MAGI2: variants seen among roughly 807,000 people sequenced by gnomAD.
MAGI2 encodes the protein membrane associated guanylate kinase, WW and PDZ domain containing 2, also known as membrane-associated guanylate kinase, WW and PDZ domain-containing protein 2.
Under a neutral mutation model 133.3 loss-of-function variants are expected in MAGI2, and 35 were observed. The ratio of observed to expected loss-of-function variants is 0.26; its 90% CI spans 0.20 to 0.35. MAGI2 has a LOEUF of 0.35. Ranked by LOEUF, MAGI2 falls within the 10% of genes least tolerant of loss-of-function variation. The probability of loss-of-function intolerance (pLI) is 1.00; values close to 1 mark genes in which losing one functional copy is unlikely to be tolerated. For missense variants in MAGI2, 1,636 were observed against 1,863.4 expected (o/e 0.88, Z 2.25); for synonymous variants, 729 against 710.6 (o/e 1.03, Z -0.41).
chr7:78,395,670 G>C lies in MAGI2; in HGVS notation c.1046-26457C>G, dbSNP rs1796281514. Among the ~76,000 whole-genome samples, 3 of 152,292 alleles carry C rather than the reference G, an allele frequency of 2.0e-5. 1 individual carries two copies. The highest frequency in any genetic ancestry group is 6.5e-5 in the Admixed American group (1 of 15,286). On this transcript the variant is annotated intron_variant, in intron 6 of 21. Coordinates refer to ENST00000354212, the MANE Select transcript of MAGI2 (RefSeq NM_012301.4). Reference sequence around the variant, plus strand: ...TTTCAACTTTGAATTAACTTGGAATGCTACTCTAAGAGAAAGGTTCTAAAC... The same window carrying C: ...TTTCAACTTTGAATTAACTTGGAATCCTACTCTAAGAGAAAGGTTCTAAAC...
chr7:78,503,154 T>G (rs1355364350), intron 4 of MAGI2, among the ~76,000 whole-genome samples: 1 of 152,104 alleles, frequency 6.6e-6, no homozygotes, highest in African/African-American at 2.4e-5. Flanking sequence ...AAAAAAAAGA[T>G]ATAGTAATCC....
chr7:79,318,057 C>T (rs1052423509), intron 1 of MAGI2, among the ~76,000 whole-genome samples: 7 of 152,092 alleles, frequency 4.6e-5, no homozygotes, highest in South Asian at 4.2e-4. Flanking sequence ...AGACTCCTCC[C>T]CTCTTACACC....
At chr7:78,834,790 G>C (rs1479375825) in intron 2 of MAGI2, among the ~76,000 whole-genome samples, 1 of 152,100 alleles carries the variant, frequency 6.6e-6, no homozygotes, top group Non-Finnish European at 1.5e-5. Flanking sequence ...TCATGGGGTG[G>C]ATCCCTTATG....
chr7:78,702,785 A>G (rs1462290842), intron 2 of MAGI2, among the ~76,000 whole-genome samples: 1 of 152,038 alleles, frequency 6.6e-6, no homozygotes, highest in Non-Finnish European at 1.5e-5. Context: ...ACTGGTCAAC[A>G]AAGAGCTGAA....
chr7:78,863,515 C>T (rs559813538), intron 2 of MAGI2, among the ~76,000 whole-genome samples: 9 of 152,294 alleles, frequency 5.9e-5, no homozygotes, highest in South Asian at 4.2e-4. Flanking sequence ...CTCATTACTG[C>T]GAGGACAGCA....
At chr7:78,174,591 C>A (rs1292625699) in intron 14 of MAGI2, among the ~76,000 whole-genome samples, 2 of 152,218 alleles carry the variant, frequency 1.3e-5, no homozygotes, top group Non-Finnish European at 2.9e-5. Flanking sequence ...GCCATTCTCC[C>A]TGGTTTCTGA....
intron 2 of MAGI2, among the ~76,000 whole-genome samples, chr7:78,749,418 T>C (rs996966137): frequency 6.6e-6 from 1 of 152,158 alleles, no homozygotes; most frequent in Admixed American, 6.5e-5. Context: ...AGGTAAATCA[T>C]ATGGTATATT....
At chr7:79,354,248 G>C (rs918747188) in intron 1 of MAGI2, 1 of 152,292 alleles carries the variant, frequency 6.6e-6, no homozygotes, top group Non-Finnish European at 1.5e-5. Context: ...CCAACACCCA[G>C]AGCCCTGCTG....
intron 2 of MAGI2, among the ~76,000 whole-genome samples, chr7:78,953,914 T>G (rs1378670760): frequency 1.3e-5 from 2 of 152,200 alleles, no homozygotes; most frequent in African/African-American, 4.8e-5. Context: ...AGAGGAATGA[T>G]GACTTAAATG....
intron 21 of MAGI2, among the ~76,000 whole-genome samples, chr7:78,067,603 G>T (rs1006556739): frequency 1.3e-5 from 2 of 152,156 alleles, no homozygotes; most frequent in African/African-American, 4.8e-5. Flanking sequence ...TATTTAGTCT[G>T]GGCTAAGTGT....
At chr7:78,394,488 T>C (rs1796167465) in intron 6 of MAGI2, among the ~76,000 whole-genome samples, 1 of 152,130 alleles carries the variant, frequency 6.6e-6, no homozygotes, top group Admixed American at 6.5e-5. Flanking sequence ...ACCCTTTGAC[T>C]CCTGGCTTTT....
At chr7:78,278,388 G>A (rs1301897211) in intron 9 of MAGI2, among the ~76,000 whole-genome samples, 1 of 152,196 alleles carries the variant, frequency 6.6e-6, no homozygotes, top group African/African-American at 2.4e-5. Context: ...TTCAATAATT[G>A]CCTGCACTCC....
At chr7:79,109,359 G>C (rs6466503) in intron 1 of MAGI2, among the ~76,000 whole-genome samples, 114,127 of 152,120 alleles carry the variant, frequency 0.75, 44,420 homozygotes, top group Non-Finnish European at 0.85. Flanking sequence ...GAACTTATTG[G>C]GAACTAGAGG....
chr7:78,150,845 G>A (rs1382361760), intron 16 of MAGI2, among the ~76,000 whole-genome samples: 1 of 152,052 alleles, frequency 6.6e-6, no homozygotes, highest in Admixed American at 6.6e-5. Flanking sequence ...AATGCATTGT[G>A]AACACACAGA....
At chr7:78,269,792 G>C (rs906935348) in intron 9 of MAGI2, among the ~76,000 whole-genome samples, 1 of 152,088 alleles carries the variant, frequency 6.6e-6, no homozygotes, top group South Asian at 2.1e-4. Context: ...TGTCAATTTT[G>C]GCTTTTGTTG....
chr7:78,855,814 C>A (rs1384834687), intron 2 of MAGI2, among the ~76,000 whole-genome samples: 1 of 152,154 alleles, frequency 6.6e-6, no homozygotes, highest in Non-Finnish European at 1.5e-5. Flanking sequence ...GTTCTAGATC[C>A]TTGAGGAATC....
intron 6 of MAGI2, among the ~76,000 whole-genome samples, chr7:78,374,514 A>C (rs1427555952): frequency 6.6e-6 from 1 of 151,716 alleles, no homozygotes; most frequent in Non-Finnish European, 1.5e-5. Flanking sequence ...AGATCTTTTT[A>C]CTCTGTTGAT....
At chr7:78,192,379 TA>T (rs1338489691) in intron 12 of MAGI2, among the ~76,000 whole-genome samples, 4 of 152,162 alleles carry the variant, frequency 2.6e-5, no homozygotes, top group Middle Eastern at 3.2e-3. Context: ...ATCATTGCAT[TA>T]AAAAAACCTA....
At chr7:78,677,334 A>G (rs1386347090) in intron 2 of MAGI2, among the ~76,000 whole-genome samples, 1 of 151,390 alleles carries the variant, frequency 6.6e-6, no homozygotes, top group African/African-American at 2.4e-5. Context: ...AAATGTATGG[A>G]AGCCTATCTT....
Sources: allele counts gnomAD v4.1 joint callset (sites outside exome capture counted in the v4.1 genomes callset), GRCh38; gene constraint gnomAD v4.1.1; transcripts MANE v1.5; gene names NCBI Gene and HGNC (gene_info 2026-07-23, HGNC 2026-07-21).